The following ABCC1 variants were observed in gnomAD, a reference collection of about 807,000 sequenced individuals.
ABCC1 encodes the protein multidrug resistance-associated protein 1.
Under a neutral mutation model 172.9 loss-of-function variants are expected in ABCC1, and 83 were observed. The observed-to-expected ratio is 0.48, with a 90% confidence interval of 0.40 to 0.58. The LOEUF is 0.58. ABCC1 is among the 20% of genes least tolerant of loss of function. The probability of loss-of-function intolerance (pLI) is 0.00; values close to 1 mark genes in which losing one functional copy is unlikely to be tolerated. For missense variants in ABCC1, 1,817 were observed against 2,002.7 expected (o/e 0.91, Z 1.77); for synonymous variants, 937 against 825.2 (o/e 1.14, Z -2.32).
At position 16,102,658 on chromosome 16, in the gene ABCC1, A is replaced by T. The variant is rs1238302044; in HGVS notation, c.2676A>T (p.Glu892Asp). ...GVTGVSGPGK[E>D]AKQMENGMLV... Reference sequence around the variant, plus strand: ...CGGGCGTCAGCGGTCCAGGGAAGGAAGCAAAGCAAATGGAGAATGGCATGC... The same window carrying T: ...CGGGCGTCAGCGGTCCAGGGAAGGATGCAAAGCAAATGGAGAATGGCATGC... Residue 892 changes from glutamate (E) to aspartate (D), a missense_variant, in exon 20 of 31, where the codon GAA (glutamate) becomes GAT (aspartate). Around this residue, in one of 3 missense-constraint regions of ABCC1, gnomAD observed 1,412 missense variants for 1,600.3 expected, o/e 0.88. Transcript: ENST00000399410. 1.3e-6 allele frequency: 2 copies of T among 1,591,408 alleles called. No homozygotes were observed. The highest frequency in any genetic ancestry group is 2.3e-5 in the East Asian group (1 of 44,074).
intron 12 of ABCC1, among the ~76,000 whole-genome samples, chr16:16,064,200 G>A (rs1366303265): frequency 6.6e-6 from 1 of 152,064 alleles, no homozygotes; most frequent in Non-Finnish European, 1.5e-5. Flanking sequence ...GGCACCTAGG[G>A]GACAGGTGCT....
intron 1 of ABCC1, among the ~76,000 whole-genome samples, chr16:15,971,183 T>C (rs1423436964): frequency 6.6e-6 from 1 of 152,176 alleles, no homozygotes; most frequent in Admixed American, 6.5e-5. Flanking sequence ...GTGTCTGATT[T>C]GCATAGGCCT....
At chr16:16,037,455 G>A (rs771588860) in intron 7 of ABCC1, among the ~76,000 whole-genome samples, 48 of 152,080 alleles carry the variant, frequency 3.2e-4, no homozygotes, top group Admixed American at 5.3e-4. Context: ...CATTAGTTGC[G>A]TGATGCGTTA....
intron 17 of ABCC1, among the ~76,000 whole-genome samples, chr16:16,086,181 C>A (rs1013982466): frequency 6.6e-6 from 1 of 152,232 alleles, no homozygotes; most frequent in Non-Finnish European, 1.5e-5. Context: ...TTGGTGCCGT[C>A]AGCCATCCTT....
intron 5 of ABCC1, among the ~76,000 whole-genome samples, chr16:16,019,975 G>C (rs974297470): frequency 6.6e-6 from 1 of 152,188 alleles, no homozygotes; most frequent in Admixed American, 6.5e-5. Context: ...CAAGGCTGTA[G>C]TGCAGTGGCA....
chr16:15,950,056 G>C (rs1424423239), intron 1 of ABCC1, among the ~76,000 whole-genome samples: 1 of 152,098 alleles, frequency 6.6e-6, no homozygotes, highest in African/African-American at 2.4e-5. Flanking sequence ...GGGTCGGGTC[G>C]GGTCAGAGCC....
chr16:16,069,526 A>G (rs774458830), intron 13 of ABCC1, among the ~76,000 whole-genome samples: 1 of 152,108 alleles, frequency 6.6e-6, no homozygotes, highest in Non-Finnish European at 1.5e-5. Flanking sequence ...CACTGTTTTC[A>G]CATTCTTTTT....
chr16:16,115,002 A>C lies in ABCC1; in HGVS notation c.3316A>C (p.Ile1106Leu), dbSNP rs766080836. Reference protein sequence around the residue: ...GSLFNVIGACIVILLATPIAA... With the variant: ...GSLFNVIGACLVILLATPIAA... ...CCTGTTCAACGTCATTGGTGCCTGC[A>C]TCGTTATCCTGCTGGCCACGCCCAT... is the stretch of plus-strand genomic sequence containing the variant. The change falls in exon 23 of 31, where the codon ATC (isoleucine) becomes CTC (leucine). Residue 1106 changes from isoleucine (I) to leucine (L), a missense_variant. By Grantham distance (5) the Ile-to-Leu change is conservative (BLOSUM62 2). Coordinates refer to ENST00000399410, the MANE Select transcript of ABCC1 (RefSeq NM_004996.4). 6.2e-7 allele frequency: 1 copy of C among 1,614,198 alleles called. No homozygotes were observed.
At chr16:16,072,181 ATT>A (rs11343915) in intron 14 of ABCC1, among the ~76,000 whole-genome samples, 194 of 144,496 alleles carry the variant, frequency 1.3e-3, no homozygotes, top group African/African-American at 1.6e-3. Context: ...TGTTACTTGG[ATT>A]TTTTTTTTTT....
At chr16:16,117,948 T>C (rs953385108) in intron 23 of ABCC1, among the ~76,000 whole-genome samples, 1 of 152,198 alleles carries the variant, frequency 6.6e-6, no homozygotes, top group Non-Finnish European at 1.5e-5. Flanking sequence ...AGAAATTGTG[T>C]AGGCAGTCAG....
intron 1 of ABCC1, among the ~76,000 whole-genome samples, chr16:15,984,525 C>T (rs373393166): frequency 1.3e-5 from 2 of 150,546 alleles, no homozygotes; most frequent in East Asian, 3.9e-4. Context: ...TCACTGCATC[C>T]TCCGCTTCCC....
intron 17 of ABCC1, among the ~76,000 whole-genome samples, chr16:16,083,876 A>G (rs1182872778): frequency 2.0e-5 from 3 of 151,940 alleles, no homozygotes; most frequent in Non-Finnish European, 4.4e-5. Context: ...TCTACTCACA[A>G]AGCAAGTCAC....
chr16:16,016,735 C>T, intron 5 of ABCC1, 114 bp downstream of exon 5: 2 of 1,437,940 alleles, frequency 1.4e-6, no homozygotes, highest in South Asian at 1.3e-5. Context: ...CCTCCCTCAA[C>T]CCCTGATACA....
intron 7 of ABCC1, among the ~76,000 whole-genome samples, chr16:16,043,243 T>TTTTTC (rs1021835519): frequency 1.2e-4 from 17 of 140,870 alleles, no homozygotes; most frequent in African/African-American, 3.5e-4. Flanking sequence ...TTTTTTTTTT[T>TTTTTC]CCACTGATGT....
At chr16:15,990,999 A>G (rs1294267104) in intron 1 of ABCC1, among the ~76,000 whole-genome samples, 4 of 151,990 alleles carry the variant, frequency 2.6e-5, no homozygotes, top group Non-Finnish European at 5.9e-5. Context: ...GCGATAGTCC[A>G]TGGCATGTAT....
At position 16,141,377 on chromosome 16, in the gene ABCC1, GA is replaced by G. The variant is rs2046121096; in HGVS notation, c.*99del. On this transcript the variant is annotated 3_prime_UTR_variant, in exon 31 of 31. Transcript: ENST00000399410. ...CCTGGTAAACCAAGCCTCCCACACTGAAACCAAAACATAAAAACCAAACCCA... is the reference window on the plus strand; with the variant it reads ...CCTGGTAAACCAAGCCTCCCACACTGAACCAAAACATAAAAACCAAACCCA... 2 of 1,181,556 alleles carry G rather than the reference GA, an allele frequency of 1.7e-6. No homozygotes were observed. Among genetic ancestry groups the G allele is most frequent in the East Asian group, 2.4e-5 (1 of 41,726 alleles). 73.2% of individuals were successfully genotyped at this position (1,181,556 alleles called of 1,614,324 possible). A position where few individuals can be genotyped will look rare whatever the true frequency, so the allele number is the denominator to read the frequency against.
chr16:16,056,528 G>T, intron 12 of ABCC1: 2 of 552,496 alleles, frequency 3.6e-6, no homozygotes, highest in South Asian at 2.1e-5. Context: ...AATAAGCCGG[G>T]TGTGGTGGCG....
rs757505044 is a variant in ABCC1, at chr16:16,102,736, G to A, written c.2735+19G>A. The A allele has an allele frequency of 1.0e-5, 16 of 1,557,050 alleles. No individual in the cohort carries two copies. Among genetic ancestry groups the A allele is most frequent in the Non-Finnish European group, 1.4e-5 (16 of 1,150,218 alleles). On this transcript the variant is annotated intron_variant, in intron 20 of 30. Coordinates refer to ENST00000399410, the MANE Select transcript of ABCC1 (RefSeq NM_004996.4). ...TGCAGAGGTAAGGGCGGGGAGGAAG[G>A]CCCCAACCTAAGGACCCTGCCCTGC...
intron 12 of ABCC1, 149 bp from the exon 13 acceptor site, chr16:16,068,007 C>T: frequency 2.9e-6 from 2 of 699,052 alleles, no homozygotes; most frequent in Non-Finnish European, 4.6e-6. Flanking sequence ...GTGCCAGATA[C>T]TGCCCCAGGT....
Sources: allele counts gnomAD v4.1 joint callset (sites outside exome capture counted in the v4.1 genomes callset), GRCh38; gene constraint gnomAD v4.1.1; regional missense constraint gnomAD v4.1.1; transcripts MANE v1.5; gene names NCBI Gene and HGNC (gene_info 2026-07-23, HGNC 2026-07-21).